DMD: variants seen among roughly 807,000 people sequenced by gnomAD.
The protein encoded by DMD is dystrophin, also known as mutant dystrophin.
Under a neutral mutation model 330.1 loss-of-function variants are expected in DMD, and 63 were observed. That is an observed-to-expected ratio of 0.19 (90% CI 0.16 to 0.24). The LOEUF is 0.24. Among genes scored for constraint, DMD ranks in the 10% least tolerant of loss-of-function variants. The pLI is 1.00. For synonymous variants in DMD, 1,223 were observed against 959.8 expected, an observed-to-expected ratio of 1.27 and a Z score of -5.07; for missense variants, 3,344 against 2,684.1, an observed-to-expected ratio of 1.25 and a Z score of -5.43.
chrX:32,302,778 C>T (rs1276252240), intron 42 of DMD, among the ~76,000 whole-genome samples: 1 of 111,103 alleles, frequency 9.0e-6, no homozygotes, highest in Non-Finnish European at 1.9e-5. Flanking sequence ...AATTTTCCTA[C>T]ACAGTCGTAC....
At chrX:32,484,220 T>A (rs906732198) in intron 21 of DMD, among the ~76,000 whole-genome samples, 3 of 111,996 alleles carry the variant, frequency 2.7e-5, no homozygotes, top group Non-Finnish European at 3.8e-5. Flanking sequence ...GTCATTCATC[T>A]GTCTCTGAAA....
At chrX:31,478,579 G>A (rs987793045) in intron 58 of DMD, among the ~76,000 whole-genome samples, 11 of 111,388 alleles carry the variant, frequency 9.9e-5, no homozygotes, top group Non-Finnish European at 1.9e-4. Flanking sequence ...ATATCAATCC[G>A]ACAATTTAAG....
chrX:31,576,191 C>G (rs2076090490), intron 55 of DMD, among the ~76,000 whole-genome samples: 1 of 111,466 alleles, frequency 9.0e-6, no homozygotes, highest in Admixed American at 9.6e-5. Flanking sequence ...AACTCAAATA[C>G]AGACCTCATT....
At chrX:31,393,476 CA>C (rs371796978) in intron 60 of DMD, among the ~76,000 whole-genome samples, 36 of 28,097 alleles carry the variant, frequency 1.3e-3, no homozygotes, top group East Asian at 3.9e-3. Flanking sequence ...GACTCCATCT[CA>C]AAAAAAAAAA....
rs187637254 is a variant in DMD at position 33,069,871 on chromosome X, G to A, written c.32-49671C>T. 1.6e-4 allele frequency among the ~76,000 whole-genome samples: 18 copies of A among 111,660 alleles called. 1 individual carries two copies. The South Asian group carries it at 6.7e-3, about 42-fold the overall frequency. ...TCCATAAAAGTCCTTCTCTACTATA[G>A]TATCTCTTCCTGTTTTTCTTATGAA... On this transcript the variant is annotated intron_variant, in intron 1 of 78. Transcript: ENST00000357033.
At chrX:31,395,973 A>C (rs1335225058) in intron 60 of DMD, among the ~76,000 whole-genome samples, 1 of 111,879 alleles carries the variant, frequency 8.9e-6, no homozygotes, top group Non-Finnish European at 1.9e-5. Context: ...ATTTAGGCAT[A>C]TCTCTCAGGA....
At chrX:31,471,110 G>C (rs2067262870) in intron 59 of DMD, among the ~76,000 whole-genome samples, 1 of 111,446 alleles carries the variant, frequency 9.0e-6, no homozygotes, top group African/African-American at 3.3e-5. Flanking sequence ...GATCCACTGA[G>C]CTAGACCACT....
At chrX:31,482,780 A>C (rs1429970756) in intron 57 of DMD, among the ~76,000 whole-genome samples, 1 of 111,928 alleles carries the variant, frequency 8.9e-6, no homozygotes, top group African/African-American at 3.2e-5. Flanking sequence ...CAAAGGGATA[A>C]GAAGTTCTTT....
chrX:33,067,553 T>C (rs1603211125), intron 1 of DMD, among the ~76,000 whole-genome samples: 1 of 112,398 alleles, frequency 8.9e-6, no homozygotes, highest in Non-Finnish European at 1.9e-5. Context: ...GTTAATTCTT[T>C]AGCGAGGCCA....
At chrX:32,391,290 G>C (rs943350045) in intron 30 of DMD, among the ~76,000 whole-genome samples, 2 of 111,097 alleles carry the variant, frequency 1.8e-5, no homozygotes, top group Admixed American at 1.9e-4. Context: ...ACGTATATTA[G>C]TGTAAGTGAA....
rs780748700 is a variant in DMD, at chrX:32,822,168, T to C, written c.357+1127A>G. Among the ~76,000 whole-genome samples the C allele has an allele frequency of 2.2e-3, 248 of 111,994 alleles. 1 individual carries two copies. The highest frequency in any genetic ancestry group is 7.7e-3 in the African/African-American group (238 of 30,886). The stretch of plus-strand genomic sequence containing the variant: ...TAAGCAATCAATACAAGTCATATGA[T>C]ACACCTCAAATAAAAGTGGTATACT... On this transcript the variant is annotated intron_variant, in intron 5 of 78. Coordinates refer to ENST00000357033, the MANE Select transcript of DMD (RefSeq NM_004006.3).
chrX:32,572,998 C>A (rs997139903), intron 15 of DMD, among the ~76,000 whole-genome samples: 1 of 111,524 alleles, frequency 9.0e-6, no homozygotes, highest in Admixed American at 9.6e-5. Flanking sequence ...TGATTGTAAG[C>A]TTCCTGAGGC....
At chrX:33,313,506 T>C (rs2053881058) in intron 1 of DMD, among the ~76,000 whole-genome samples, 1 of 111,584 alleles carries the variant, frequency 9.0e-6, no homozygotes, top group South Asian at 3.7e-4. Flanking sequence ...ACTGCAATTT[T>C]AAGCAAAAGA....
At chrX:32,439,905 G>C (rs1041180733) in intron 28 of DMD, among the ~76,000 whole-genome samples, 1 of 111,091 alleles carries the variant, frequency 9.0e-6, no homozygotes, top group African/African-American at 3.3e-5. Flanking sequence ...GGCATTGTGA[G>C]GGCCTCGTCT....
chrX:31,134,060 G>T, intron 77 of DMD, 42 bp downstream of exon 77: 1 of 1,145,841 alleles, frequency 8.7e-7, no homozygotes, highest in Non-Finnish European at 1.2e-6. Context: ...CGAGTGGCCT[G>T]ATCCCAGCAA....
At chrX:32,343,878 G>A (rs138141798) in intron 39 of DMD, among the ~76,000 whole-genome samples, 7 of 111,858 alleles carry the variant, frequency 6.3e-5, no homozygotes, top group South Asian at 7.4e-4. Context: ...ACCACTGTTC[G>A]TATATTGGTG....
At chrX:32,761,936 G>T (rs2072354993) in intron 7 of DMD, among the ~76,000 whole-genome samples, 1 of 110,408 alleles carries the variant, frequency 9.1e-6, no homozygotes, top group Non-Finnish European at 1.9e-5. Context: ...AGATCACAAG[G>T]TAAGGAGATC....
chrX:31,682,921 T>C (rs770562755), intron 52 of DMD, among the ~76,000 whole-genome samples: 1 of 112,247 alleles, frequency 8.9e-6, no homozygotes, highest in East Asian at 2.8e-4. Flanking sequence ...CAGTTCTTCC[T>C]ATTATGTAGG....
In DMD at chrX:33,174,034, CAAAAAA is replaced by C. The variant is rs200540950; in HGVS notation, c.31+37242_31+37247del. On this transcript the variant is annotated intron_variant, in intron 1 of 78. Transcript: ENST00000357033. ...TGTATCTATATAAGATTGGTAACTACAAAAAAAAAAAAAAAAAAAAGAATCCCCAGA... is the reference window on the plus strand; with the variant it reads ...TGTATCTATATAAGATTGGTAACTACAAAAAAAAAAAAAAGAATCCCCAGA... 6.6e-4 allele frequency among the ~76,000 whole-genome samples: 35 copies of C among 52,785 alleles called. 1 individual carries two copies. The highest frequency in any genetic ancestry group is 3.0e-3 in the Admixed American group (15 of 5,049). 45.8% of individuals were successfully genotyped at this position (52,785 alleles called of 115,157 possible). A position where few individuals can be genotyped will look rare whatever the true frequency, so the allele number is the denominator to read the frequency against.
Sources: allele counts gnomAD v4.1 joint callset (sites outside exome capture counted in the v4.1 genomes callset), GRCh38; gene constraint gnomAD v4.1.1; transcripts MANE v1.5; gene names NCBI Gene and HGNC (gene_info 2026-07-23, HGNC 2026-07-21).